CNTNAP4: variants seen among roughly 807,000 people sequenced by gnomAD.
CNTNAP4 encodes the protein contactin-associated protein-like 4.
CNTNAP4 carries 98 observed loss-of-function variants against 148.4 expected under a neutral mutation model. The ratio of observed to expected loss-of-function variants is 0.66; its 90% confidence interval spans 0.56 to 0.78. The LOEUF (loss-of-function observed/expected upper bound fraction) is 0.78. Among genes scored for constraint, CNTNAP4 ranks in the 30% least tolerant of loss-of-function variants. CNTNAP4 has a pLI of 0.00. For missense variants in CNTNAP4, 1,935 were observed against 1,565.6 expected (o/e 1.24, Z -3.98); for synonymous variants, 730 against 565.1 (o/e 1.29, Z -4.14).
chr16:76,341,236 G>A (rs553964914), intron 2 of CNTNAP4, among the ~76,000 whole-genome samples: 36 of 152,158 alleles, frequency 2.4e-4, no homozygotes, highest in African/African-American at 8.7e-4. Context: ...TCTTAACTTA[G>A]GATCTTAAAC....
At chr16:76,354,466 C>T (rs895883539) in intron 2 of CNTNAP4, among the ~76,000 whole-genome samples, 1 of 152,266 alleles carries the variant, frequency 6.6e-6, no homozygotes, top group African/African-American at 2.4e-5. Context: ...TTCCTTGGTT[C>T]TCTTTTCCCC....
chr16:76,382,680 A>C (rs1223472894), intron 3 of CNTNAP4, among the ~76,000 whole-genome samples: 3 of 152,194 alleles, frequency 2.0e-5, no homozygotes, highest in Non-Finnish European at 4.4e-5. Flanking sequence ...GTTTATCAAA[A>C]AACCATGACT....
intron 2 of CNTNAP4, among the ~76,000 whole-genome samples, chr16:76,341,540 T>C (rs1441608136): frequency 6.6e-6 from 1 of 152,178 alleles, no homozygotes; most frequent in African/African-American, 2.4e-5. Context: ...TTTTAACATT[T>C]TCAGTCCGAA....
intron 8 of CNTNAP4, among the ~76,000 whole-genome samples, chr16:76,454,034 T>A (rs1009233176): frequency 6.6e-6 from 1 of 152,134 alleles, no homozygotes; most frequent in South Asian, 2.1e-4. Context: ...ATTCATACCC[T>A]AATTTTCAGC....
intron 13 of CNTNAP4, among the ~76,000 whole-genome samples, chr16:76,491,358 G>C (rs943250150): frequency 4.6e-5 from 7 of 152,192 alleles, no homozygotes; most frequent in African/African-American, 1.7e-4. Flanking sequence ...AACATAGATA[G>C]ATGAAACCTT....
intron 18 of CNTNAP4, among the ~76,000 whole-genome samples, chr16:76,536,821 C>G (rs1188817191): frequency 6.6e-6 from 1 of 152,114 alleles, no homozygotes; most frequent in East Asian, 1.9e-4. Flanking sequence ...ATTTATTACT[C>G]TTTCATAGTT....
chr16:76,478,598 T>G (rs1310077651), intron 11 of CNTNAP4, among the ~76,000 whole-genome samples: 1 of 152,168 alleles, frequency 6.6e-6, no homozygotes, highest in Admixed American at 6.5e-5. Context: ...ATAAAATGCT[T>G]AACAGAAGTT....
intron 3 of CNTNAP4, among the ~76,000 whole-genome samples, chr16:76,369,324 C>T (rs2014528144): frequency 6.6e-6 from 1 of 152,064 alleles, no homozygotes; most frequent in Non-Finnish European, 1.5e-5. Flanking sequence ...ATTATGGTTA[C>T]TGCTGTTTAA....
chr16:76,445,748 T>A (rs1262788495), intron 4 of CNTNAP4, among the ~76,000 whole-genome samples: 3 of 152,032 alleles, frequency 2.0e-5, no homozygotes, highest in African/African-American at 7.2e-5. Flanking sequence ...ATGGGAAAAA[T>A]TCTCTTGGTA....
In CNTNAP4 at chr16:76,558,920, G is replaced by C; in HGVS notation, c.*237G>C. On this transcript the variant is annotated 3_prime_UTR_variant, in exon 24 of 24. Transcript: ENST00000611870. ...TTGCTGTTAATTTTCAACTGTTCTG[G>C]TATGATCTAAAACAAGTTTAACCTG... is the stretch of plus-strand genomic sequence containing the variant. 1 of 341,784 alleles carries C rather than the reference G, an allele frequency of 2.9e-6. No homozygotes were observed. Among genetic ancestry groups the C allele is most frequent in the South Asian group, 7.7e-5 (1 of 12,944 alleles). The allele number at this position is 341,784 out of a possible 1,614,324, so 21.2% of individuals were successfully genotyped here.
intron 4 of CNTNAP4, among the ~76,000 whole-genome samples, chr16:76,445,082 A>G (rs1189012323): frequency 6.6e-6 from 1 of 152,134 alleles, no homozygotes; most frequent in African/African-American, 2.4e-5. Flanking sequence ...GTGCTGGGAA[A>G]ATGTCTAGGC....
chr16:76,444,407 A>T (rs2080159689), intron 4 of CNTNAP4, among the ~76,000 whole-genome samples: 1 of 97,842 alleles, frequency 1.0e-5, no homozygotes, highest in South Asian at 3.3e-4. Flanking sequence ...ATGTGAAGTT[A>T]TTTCTTTGCT....
intron 3 of CNTNAP4, among the ~76,000 whole-genome samples, chr16:76,361,890 C>G (rs2013483961): frequency 6.6e-6 from 1 of 152,060 alleles, no homozygotes; most frequent in Admixed American, 6.5e-5. Flanking sequence ...TGATATCTCA[C>G]TGTGGTTTTG....
At chr16:76,553,016 C>T (rs61677898) in intron 21 of CNTNAP4, among the ~76,000 whole-genome samples, 5,466 of 152,224 alleles carry the variant, frequency 0.036, 313 homozygotes, top group African/African-American at 0.12. Flanking sequence ...CACTTCTTAA[C>T]CTGACCCATT....
chr16:76,479,464 C>T lies in CNTNAP4; in HGVS notation c.1808C>T (p.Thr603Ile), dbSNP rs543560167. The T allele has an allele frequency of 1.9e-6, 3 of 1,610,442 alleles. No individual in the cohort carries two copies. Among genetic ancestry groups the T allele is most frequent in the South Asian group, 1.1e-5 (1 of 90,236 alleles). ...SCEAYKHRGN[T>I]SGFYYIDSDG... ...GAAGCCTATAAGCACAGAGGAAATACTTCAGGGTTTTACTATATAGATTCA... is the reference window on the plus strand; with the variant it reads ...GAAGCCTATAAGCACAGAGGAAATATTTCAGGGTTTTACTATATAGATTCA... The change falls in exon 12 of 24, where the codon ACT (threonine) becomes ATT (isoleucine). Residue 603 changes from threonine (T) to isoleucine (I), a missense_variant. Coordinates refer to ENST00000611870, the MANE Select transcript of CNTNAP4 (RefSeq NM_033401.5).
intron 12 of CNTNAP4, among the ~76,000 whole-genome samples, chr16:76,480,592 G>T (rs1047831474): frequency 2.6e-5 from 4 of 152,048 alleles, no homozygotes; most frequent in African/African-American, 9.7e-5. Context: ...ACAAAAATTA[G>T]CTGGGCATGG....
chr16:76,431,443 G>T (rs1031813468), intron 4 of CNTNAP4, among the ~76,000 whole-genome samples: 1 of 152,124 alleles, frequency 6.6e-6, no homozygotes, highest in Non-Finnish European at 1.5e-5. Context: ...ACTTTGGAAG[G>T]TGGAGGTGGG....
At chr16:76,311,873 G>A (rs1279818419) in intron 1 of CNTNAP4, among the ~76,000 whole-genome samples, 1 of 152,178 alleles carries the variant, frequency 6.6e-6, no homozygotes, top group East Asian at 1.9e-4. Flanking sequence ...GGACCAGGAT[G>A]ATGTGCCAAT....
chr16:76,384,542 T>G (rs558365586), intron 3 of CNTNAP4, among the ~76,000 whole-genome samples: 2 of 152,284 alleles, frequency 1.3e-5, no homozygotes, highest in East Asian at 3.9e-4. Flanking sequence ...TGGTTGTGAC[T>G]GACTTGCTTT....
Sources: gnomAD v4.1 joint callset for allele counts (sites outside exome capture counted in the v4.1 genomes callset) on GRCh38, gnomAD v4.1.1 for gene constraint, MANE v1.5 for transcripts, NCBI Gene and HGNC (gene_info 2026-07-23, HGNC 2026-07-21) for gene names.